CADPS2: variants seen among roughly 807,000 people sequenced by gnomAD.
The protein encoded by CADPS2 is calcium dependent secretion activator 2, also known as calcium-dependent secretion activator 2.
A neutral mutation model predicts 172.5 loss-of-function variants in CADPS2; 93 were observed. The observed-to-expected ratio is 0.54, with a 90% CI of 0.46 to 0.64. The LOEUF (loss-of-function observed/expected upper bound fraction) is 0.64. Among genes scored for constraint, CADPS2 ranks in the 30% least tolerant of loss-of-function variants. The pLI is 0.00. For missense variants in CADPS2, 1,420 were observed against 1,565.9 expected, an observed-to-expected ratio of 0.91 and a Z score of 1.57; for synonymous variants, 546 against 555.2, an observed-to-expected ratio of 0.98 and a Z score of 0.23.
intron 8 of CADPS2, among the ~76,000 whole-genome samples, chr7:122,550,370 A>C (rs562102745): frequency 2.0e-5 from 3 of 152,328 alleles, no homozygotes; most frequent in East Asian, 3.9e-4. Flanking sequence ...GATTCATCTC[A>C]GAGTAGTTTT....
chr7:122,816,817 T>C (rs138301983), intron 1 of CADPS2, among the ~76,000 whole-genome samples: 2,227 of 151,790 alleles, frequency 0.015, 44 homozygotes, highest in African/African-American at 0.051. Flanking sequence ...TGAAGAATCA[T>C]AAAAGAAGTG....
chr7:122,512,779 GT>G (rs1390126256), intron 9 of CADPS2, among the ~76,000 whole-genome samples: 1 of 152,104 alleles, frequency 6.6e-6, no homozygotes, highest in African/African-American at 2.4e-5. Flanking sequence ...TGATGCAGTG[GT>G]TCTCAAGGTA....
intron 1 of CADPS2, among the ~76,000 whole-genome samples, chr7:122,814,650 A>C (rs34627169): frequency 0.2 from 30,172 of 152,026 alleles, 3,121 homozygotes; most frequent in Middle Eastern, 0.3. Context: ...AGCAGAGTTG[A>C]ACTGTCAAGA....
chr7:122,787,900 C>T (rs1239028432), intron 1 of CADPS2, among the ~76,000 whole-genome samples: 1 of 152,156 alleles, frequency 6.6e-6, no homozygotes, highest in African/African-American at 2.4e-5. Flanking sequence ...GTCCAGCCAC[C>T]AGCTTAAAAA....
chr7:122,865,033 G>A (rs1386640265), intron 1 of CADPS2, among the ~76,000 whole-genome samples: 1 of 152,144 alleles, frequency 6.6e-6, no homozygotes, highest in Non-Finnish European at 1.5e-5. Flanking sequence ...GAGGTGTTTG[G>A]GTGATGGGGG....
intron 7 of CADPS2, among the ~76,000 whole-genome samples, chr7:122,566,162 A>T (rs976304856): frequency 1.4e-4 from 21 of 152,296 alleles, no homozygotes; most frequent in African/African-American, 4.6e-4. Context: ...AATGCTCAAC[A>T]TCGCTAATCA....
chr7:122,573,014 A>T (rs755103127), intron 7 of CADPS2, among the ~76,000 whole-genome samples: 7 of 152,160 alleles, frequency 4.6e-5, no homozygotes, highest in Non-Finnish European at 7.4e-5. Flanking sequence ...CCCAATGTCT[A>T]CGAAATTTGA....
chr7:122,524,459 C>T (rs2061046152), intron 8 of CADPS2, among the ~76,000 whole-genome samples: 2 of 152,058 alleles, frequency 1.3e-5, no homozygotes, highest in African/African-American at 4.8e-5. Flanking sequence ...ACAGTGTTTT[C>T]CACAGTGTGT....
chr7:122,436,464 T>A, intron 17 of CADPS2: 1 of 691,370 alleles, frequency 1.4e-6, no homozygotes, highest in Non-Finnish European at 2.1e-6. Context: ...CTTTCTAACT[T>A]AAGTTTGATT....
chr7:122,500,664 A>G (rs1408235486), intron 9 of CADPS2, among the ~76,000 whole-genome samples: 1 of 152,184 alleles, frequency 6.6e-6, no homozygotes, highest in Non-Finnish European at 1.5e-5. Flanking sequence ...GACCATAGTT[A>G]TAAGAAAGCC....
At chr7:122,596,705 GAC>G (rs1256657669) in intron 6 of CADPS2, among the ~76,000 whole-genome samples, 1 of 152,016 alleles carries the variant, frequency 6.6e-6, no homozygotes, top group African/African-American at 2.4e-5. Flanking sequence ...ACATATTCAA[GAC>G]AGAAGACAAT....
intron 8 of CADPS2, among the ~76,000 whole-genome samples, chr7:122,550,412 TG>T (rs1158045890): frequency 6.6e-6 from 1 of 152,206 alleles, no homozygotes; most frequent in Non-Finnish European, 1.5e-5. Context: ...TTAGAAACTA[TG>T]ATAAAAGTCT....
At chr7:122,717,570 CAAAAT>C (rs768657804) in intron 2 of CADPS2, among the ~76,000 whole-genome samples, 4 of 152,064 alleles carry the variant, frequency 2.6e-5, no homozygotes, top group Non-Finnish European at 5.9e-5. Context: ...TGTAAATACT[CAAAAT>C]GAAGTAGCTT....
intron 2 of CADPS2, among the ~76,000 whole-genome samples, chr7:122,675,634 A>G (rs1187785011): frequency 6.6e-6 from 1 of 152,214 alleles, no homozygotes; most frequent in African/African-American, 2.4e-5. Flanking sequence ...AATACCACGC[A>G]GCCATAAAAA....
Position 122,850,002 on chromosome 7 carries a change from A to G in CADPS2, c.339+35997T>C, listed in dbSNP as rs2141074974. On this transcript the variant is annotated intron_variant, in intron 1 of 29. Transcript: ENST00000449022. The stretch of plus-strand genomic sequence containing the variant: ...GGCCCACCTGCCCCCAAGCCTGCCT[A>G]GGCTGGGGAAGGAACAGAAGGCCCT... 4 of 798,454 alleles carry G rather than the reference A, an allele frequency of 5.0e-6. No homozygotes were observed. The East Asian group carries it at 1.0e-4, about 21-fold the overall frequency. The allele number at this position is 798,454 out of a possible 1,614,324, so 49.5% of individuals were successfully genotyped here. A position where few individuals can be genotyped will look rare whatever the true frequency, so the allele number is the denominator to read the frequency against.
At chr7:122,646,869 C>T (rs1563955466) in intron 3 of CADPS2, among the ~76,000 whole-genome samples, 2 of 152,052 alleles carry the variant, frequency 1.3e-5, no homozygotes, top group Non-Finnish European at 2.9e-5. Flanking sequence ...ATAATGAAGT[C>T]TCCAGCTATG....
chr7:122,847,970 A>C (rs565037155), intron 1 of CADPS2, among the ~76,000 whole-genome samples: 19 of 152,348 alleles, frequency 1.2e-4, no homozygotes, highest in Non-Finnish European at 2.5e-4. Flanking sequence ...GGTGGGAACA[A>C]AAGAAAACTA....
chr7:122,837,097 T>A (rs1808721956), intron 1 of CADPS2, among the ~76,000 whole-genome samples: 1 of 152,134 alleles, frequency 6.6e-6, no homozygotes, highest in South Asian at 2.1e-4. Context: ...CACAGTGCAA[T>A]CAAACTAGAA....
chr7:122,675,253 G>A (rs1163115799), intron 2 of CADPS2, among the ~76,000 whole-genome samples: 2 of 152,294 alleles, frequency 1.3e-5, no homozygotes, highest in Non-Finnish European at 1.5e-5. Flanking sequence ...ACCAGACACA[G>A]AAATGCAAAG....
Sources: gnomAD v4.1 joint callset for allele counts (sites outside exome capture counted in the v4.1 genomes callset) on GRCh38, gnomAD v4.1.1 for gene constraint, MANE v1.5 for transcripts, NCBI Gene and HGNC (gene_info 2026-07-23, HGNC 2026-07-21) for gene names.